Variants in SNTG1 observed in about 807,000 individuals in gnomAD.
SNTG1 encodes gamma-1-syntrophin.
In SNTG1, 39 loss-of-function variants were observed where a neutral mutation model predicts 74.7. That is an observed-to-expected ratio of 0.52 (90% CI 0.40 to 0.68). SNTG1 has a LOEUF of 0.68. SNTG1 is among the 30% of genes least tolerant of loss of function. The pLI is 0.00. For missense variants in SNTG1, 685 were observed against 609.5 expected, an observed-to-expected ratio of 1.12 and a Z score of -1.30; for synonymous variants, 254 against 217.1, an observed-to-expected ratio of 1.17 and a Z score of -1.49.
intron 1 of SNTG1, among the ~76,000 whole-genome samples, chr8:50,037,816 A>G (rs1243938611): frequency 6.6e-6 from 1 of 152,222 alleles, no homozygotes; most frequent in East Asian, 1.9e-4. Flanking sequence ...AATACGTAAT[A>G]AATCATAATT....
chr8:50,183,477 C>A (rs911058020), intron 2 of SNTG1, among the ~76,000 whole-genome samples: 3 of 152,158 alleles, frequency 2.0e-5, no homozygotes, highest in African/African-American at 7.2e-5. Context: ...CCAGACTAAG[C>A]TGAAGACTTC....
chr8:50,046,189 G>A lies in SNTG1; in HGVS notation c.-102-126372G>A, dbSNP rs536505314. Among the ~76,000 whole-genome samples, 79 of 152,244 alleles carry A rather than the reference G, an allele frequency of 5.2e-4. 1 individual carries two copies. The highest frequency in any genetic ancestry group is 1.6e-3 in the African/African-American group (68 of 41,536). ...ATTTTTCAACCTTTAAATATGTAAA[G>A]GTCATTCTTAGCTACAGGCCATAAG... On this transcript the variant is annotated intron_variant, in intron 1 of 18. Transcript: ENST00000642720.
intron 8 of SNTG1, among the ~76,000 whole-genome samples, chr8:50,489,311 A>C (rs1253358146): frequency 6.6e-6 from 1 of 152,236 alleles, no homozygotes; most frequent in East Asian, 1.9e-4. Context: ...TTGCTGGGTC[A>C]GATGATATTT....
chr8:50,266,890 C>G (rs188590030), intron 2 of SNTG1, among the ~76,000 whole-genome samples: 14 of 152,058 alleles, frequency 9.2e-5, no homozygotes, highest in Middle Eastern at 6.8e-3. Flanking sequence ...TGAAGCCACT[C>G]CCCTTGGGTA....
chr8:50,460,886 A>C (rs2093555009), intron 8 of SNTG1, among the ~76,000 whole-genome samples: 1 of 152,084 alleles, frequency 6.6e-6, no homozygotes, highest in African/African-American at 2.4e-5. Flanking sequence ...TATACCCCTC[A>C]CACATATTTC....
At chr8:50,350,683 A>G (rs961816397) in intron 2 of SNTG1, among the ~76,000 whole-genome samples, 5 of 152,192 alleles carry the variant, frequency 3.3e-5, no homozygotes, top group African/African-American at 9.7e-5. Context: ...TGAATGCACC[A>G]ATCCACACTC....
chr8:50,020,456 G>C (rs1370022203), intron 1 of SNTG1, among the ~76,000 whole-genome samples: 1 of 152,080 alleles, frequency 6.6e-6, no homozygotes, highest in Non-Finnish European at 1.5e-5. Context: ...TTTGTGAATA[G>C]TAAACTTTAT....
At chr8:50,160,716 C>T (rs2082390025) in intron 1 of SNTG1, among the ~76,000 whole-genome samples, 1 of 152,070 alleles carries the variant, frequency 6.6e-6, no homozygotes, top group Admixed American at 6.6e-5. Context: ...TATAATGTAT[C>T]CTATGGATTT....
At chr8:50,096,949 T>C (rs2079950597) in intron 1 of SNTG1, among the ~76,000 whole-genome samples, 1 of 152,068 alleles carries the variant, frequency 6.6e-6, no homozygotes, top group Non-Finnish European at 1.5e-5. Flanking sequence ...AACACTGAAT[T>C]CTTACTAAAA....
At chr8:50,061,663 C>T (rs886411410) in intron 1 of SNTG1, among the ~76,000 whole-genome samples, 2 of 151,970 alleles carry the variant, frequency 1.3e-5, no homozygotes, top group African/African-American at 4.8e-5. Flanking sequence ...TTAGCTGCAT[C>T]CCACATGTTT....
intron 12 of SNTG1, among the ~76,000 whole-genome samples, chr8:50,570,591 G>GTTGTTGTTATTATTA (rs137977278): frequency 0.012 from 1,622 of 130,116 alleles, 23 homozygotes; most frequent in East Asian, 0.066. Context: ...TATTATTGTT[G>GTTGTTGTTATTATTA]TTATTATTAT....
Position 50,124,283 on chromosome 8 carries a change from C to T in SNTG1, c.-102-48278C>T, listed in dbSNP as rs141286103. ...TTTGGGAGAAACCAACCCGCTGACA[C>T]ATCAGCCTCAGAGTTCCAGCCTCTA... On this transcript the variant is annotated intron_variant, in intron 1 of 18. Transcript: ENST00000642720. 5.6e-5 allele frequency among the ~76,000 whole-genome samples: 8 copies of T among 142,104 alleles called. No individual in the cohort carries two copies. In the East Asian group the frequency reaches 1.2e-3, roughly 22 times the overall value. 93.2% of individuals were successfully genotyped at this position (142,104 alleles called of 152,430 possible).
chr8:50,130,567 C>A (rs1472441187), intron 1 of SNTG1, among the ~76,000 whole-genome samples: 2 of 152,048 alleles, frequency 1.3e-5, no homozygotes, highest in Admixed American at 1.3e-4. Context: ...TAAAAGAATG[C>A]AAATACCAGC....
chr8:50,678,373 A>T (rs2095317469), intron 15 of SNTG1, among the ~76,000 whole-genome samples: 1 of 152,098 alleles, frequency 6.6e-6, no homozygotes, highest in Non-Finnish European at 1.5e-5. Flanking sequence ...AACTGCTGAA[A>T]TCCATAAGCA....
chr8:49,990,370 A>G (rs950899162), intron 1 of SNTG1, among the ~76,000 whole-genome samples: 1 of 152,038 alleles, frequency 6.6e-6, no homozygotes, highest in Non-Finnish European at 1.5e-5. Context: ...GATTTTATAC[A>G]ATCTTTATTA....
chr8:50,771,868 A>C (rs537063275), intron 18 of SNTG1, among the ~76,000 whole-genome samples: 1 of 152,192 alleles, frequency 6.6e-6, no homozygotes, highest in South Asian at 2.1e-4. Flanking sequence ...CTCTGCTTTG[A>C]AAGGCACAAG....
At chr8:50,529,789 A>G (rs574661982) in intron 9 of SNTG1, among the ~76,000 whole-genome samples, 1 of 152,174 alleles carries the variant, frequency 6.6e-6, no homozygotes, top group African/African-American at 2.4e-5. Flanking sequence ...TAAGGGTAGG[A>G]TTTACCACTT....
In SNTG1 at chr8:50,792,885, T is replaced by G. The variant is rs1314508934; in HGVS notation, c.*56T>G. 18 of 1,509,388 alleles carry G rather than the reference T, an allele frequency of 1.2e-5. No homozygotes were observed. The highest frequency in any genetic ancestry group is 4.2e-5 in the African/African-American group (3 of 71,662). 93.5% of individuals were successfully genotyped at this position (1,509,388 alleles called of 1,614,324 possible). A position where few individuals can be genotyped will look rare whatever the true frequency, so the allele number is the denominator to read the frequency against. On this transcript the variant is annotated 3_prime_UTR_variant, in exon 19 of 19. Transcript: ENST00000642720. ...GACTGTATAAGCAGGACACATTTAC[T>G]CATCATTTTAGACCCTAGAGAAACC...
chr8:50,505,273 T>G, intron 9 of SNTG1, among the ~76,000 whole-genome samples: 1 of 152,200 alleles, frequency 6.6e-6, no homozygotes, highest in East Asian at 1.9e-4. Context: ...TCTTTGTTAT[T>G]GTGAATAATG....
Sources: gnomAD v4.1 joint callset for allele counts (sites outside exome capture counted in the v4.1 genomes callset) on GRCh38, gnomAD v4.1.1 for gene constraint, MANE v1.5 for transcripts, NCBI Gene and HGNC (gene_info 2026-07-23, HGNC 2026-07-21) for gene names.